Variants in SETD4 observed in about 807,000 individuals in gnomAD.
The protein encoded by SETD4 is SET domain containing 4, also known as SET domain-containing protein 4.
In SETD4, 46 loss-of-function variants were observed where a neutral mutation model predicts 58.3. That is an observed-to-expected ratio of 0.79 (90% CI 0.62 to 1.01). The LOEUF (loss-of-function observed/expected upper bound fraction) is 1.01. SETD4 is among the 50% of genes least tolerant of loss of function. The pLI, the probability that SETD4 is intolerant of heterozygous loss-of-function variation, is 0.00. For missense variants in SETD4, 490 were observed against 523.3 expected, an observed-to-expected ratio of 0.94 and a Z score of 0.62; for synonymous variants, 190 against 202.6, an observed-to-expected ratio of 0.94 and a Z score of 0.53.
At chr21:36,036,560 C>A (rs1028179829) in intron 10 of SETD4, 1 of 797,812 alleles carries the variant, frequency 1.3e-6, no homozygotes, top group Non-Finnish European at 1.5e-6. Flanking sequence ...CAGCATTTGT[C>A]CTTTTGTGTC....
chr21:36,058,505 CAAAAAAAAA>C (rs61270283), intron 2 of SETD4, among the ~76,000 whole-genome samples: 1 of 95,178 alleles, frequency 1.1e-5, no homozygotes, highest in African/African-American at 3.8e-5. Context: ...ACCTTGTCTC[CAAAAAAAAA>C]AAAAAAAGAA....
At chr21:36,048,240 C>T in intron 5 of SETD4, 68 bp downstream of exon 5, 3 of 1,201,588 alleles carry the variant, frequency 2.5e-6, no homozygotes, top group Non-Finnish European at 2.5e-6. Flanking sequence ...TCTCAAGTGA[C>T]ATATTTGCCA....
chr21:36,057,084 A>G, intron 3 of SETD4, 25 bp downstream of exon 3: 2 of 1,593,922 alleles, frequency 1.3e-6, no homozygotes, highest in Non-Finnish European at 8.6e-7. Flanking sequence ...GGGAAAGGGC[A>G]GGACAGCTGA....
rs781329108 is a variant in SETD4, at chr21:36,045,781, A to C, written c.527T>G (p.Phe176Cys). The C allele has an allele frequency of 6.2e-7, 1 of 1,614,124 alleles. No homozygotes were observed. The highest frequency in any genetic ancestry group is 1.3e-5 in the African/African-American group (1 of 75,020). Residue 176 changes from phenylalanine (F) to cysteine (C), a missense_variant, in exon 6 of 12, where the codon TTT becomes TGT. By Grantham distance (205) the Phe-to-Cys change is radical. Transcript: ENST00000332131. ...VQEFFASSRD[F>C]FSSLQPLFAE... ...AAACAGAGGCTGCAGAGAAGAGAAA[A>C]AGTCTCTGGAGGAAGCAAAGAACTC... is the stretch of plus-strand genomic sequence containing the variant.
intron 4 of SETD4, chr21:36,051,050 C>A: frequency 6.8e-7 from 1 of 1,466,760 alleles, no homozygotes; most frequent in South Asian, 1.1e-5. Context: ...TCTGTGAGGC[C>A]AATGCAAATG....
chr21:36,036,267 T>A lies in SETD4; in HGVS notation c.1189-16A>T, dbSNP rs2063775577. 2.5e-6 allele frequency: 4 copies of A among 1,569,794 alleles called. No homozygotes were observed. The highest frequency in any genetic ancestry group is 2.0e-5 in the Admixed American group (1 of 49,034). Reference sequence around the variant, plus strand: ...TATGAGACACCTGAAAGTTATTTTTTAATTATTGTTATTGTAGTAAAACAT... The same window carrying A: ...TATGAGACACCTGAAAGTTATTTTTAAATTATTGTTATTGTAGTAAAACAT... On this transcript the variant is annotated splice_polypyrimidine_tract_variant and intron_variant, in intron 10 of 11. Transcript: ENST00000332131.
intron 6 of SETD4, among the ~76,000 whole-genome samples, chr21:36,044,695 G>A (rs1050882011): frequency 3.9e-5 from 6 of 152,210 alleles, no homozygotes; most frequent in African/African-American, 1.4e-4. Context: ...AAAGCAGAGC[G>A]GGAACCTCCC....
chr21:36,046,549 G>C (rs1048331773), intron 5 of SETD4, among the ~76,000 whole-genome samples: 168 of 152,210 alleles, frequency 1.1e-3, no homozygotes, highest in Non-Finnish European at 1.8e-4. Flanking sequence ...GCCATTCAGA[G>C]CTAGTGGCCA....
chr21:36,049,669 T>C (rs1052507391), intron 4 of SETD4, among the ~76,000 whole-genome samples: 1 of 152,208 alleles, frequency 6.6e-6, no homozygotes, highest in Non-Finnish European at 1.5e-5. Context: ...CATTCCAACA[T>C]CCTATGATCT....
Position 36,040,575 on chromosome 21 carries a change from A to G in SETD4, c.1064T>C (p.Phe355Ser). ...TAAGACCAACACATGTGAAACTTAC[A>G]ATTTCTCAGCTTCCAGACATAACAA... ...LKLLCLEAEKFTCWKKVLLGE... is the reference protein window; with the variant it reads ...LKLLCLEAEKSTCWKKVLLGE... The change falls in exon 9 of 12, where the codon TTT (phenylalanine) becomes TCT (serine). Residue 355 changes from phenylalanine (F) to serine (S), a missense_variant and splice_region_variant. Coordinates refer to ENST00000332131, the MANE Select transcript of SETD4 (RefSeq NM_017438.5). The G allele has an allele frequency of 6.2e-7, 1 of 1,613,274 alleles. No individual in the cohort carries two copies. The highest frequency in any genetic ancestry group is 8.5e-7 in the Non-Finnish European group (1 of 1,179,356).
intron 4 of SETD4, chr21:36,050,508 A>G: frequency 2.5e-6 from 4 of 1,613,852 alleles, no homozygotes; most frequent in Non-Finnish European, 3.4e-6. Flanking sequence ...TCTAGAGAAG[A>G]TGGGATGCCA....
intron 1 of SETD4, chr21:36,059,818 T>C (rs1312986569): frequency 5.1e-6 from 5 of 985,382 alleles, no homozygotes; most frequent in Middle Eastern, 5.2e-4. Flanking sequence ...GTTCATTATT[T>C]GACCTAACGA....
At chr21:36,056,517 C>T (rs1023134932) in intron 3 of SETD4, among the ~76,000 whole-genome samples, 1 of 152,112 alleles carries the variant, frequency 6.6e-6, no homozygotes, top group Non-Finnish European at 1.5e-5. Context: ...TAGCAAGCTG[C>T]CCAACTTCTG....
intron 4 of SETD4, chr21:36,050,677 C>T: frequency 6.2e-7 from 1 of 1,600,826 alleles, no homozygotes; most frequent in Non-Finnish European, 8.6e-7. Context: ...CCGGAGTTCC[C>T]AATGGTAGTA....
At chr21:36,050,461 G>A (rs2064608444) in intron 4 of SETD4, 1 of 1,613,928 alleles carries the variant, frequency 6.2e-7, no homozygotes, top group South Asian at 1.1e-5. Context: ...CCAACCCCTT[G>A]GGTGCAAAGT....
In SETD4 at chr21:36,048,377, G is replaced by A. The variant is rs1192907603; in HGVS notation, c.227C>T (p.Ser76Leu). Residue 76 changes from serine (S) to leucine (L), a missense_variant, in exon 5 of 12, where the codon TCG (serine) becomes TTG (leucine). By Grantham distance (145) the Ser-to-Leu change is moderately radical. Transcript: ENST00000332131. ...TSLQEGQMIISLPESCLLTTD... is the reference protein window; with the variant it reads ...TSLQEGQMIILLPESCLLTTD... ...GGTGAGCAGGCAACTCTCAGGCAAC[G>A]AAATAATCATCTGTCCCTCCTGGCC... 8 of 1,613,944 alleles carry A rather than the reference G, an allele frequency of 5.0e-6. No individual in the cohort carries two copies. The highest frequency in any genetic ancestry group is 3.3e-5 in the Admixed American group (2 of 59,990).
chr21:36,050,992 ATG>A, intron 4 of SETD4: 1 of 1,602,412 alleles, frequency 6.2e-7, no homozygotes, highest in Non-Finnish European at 8.6e-7. Flanking sequence ...CTGGGGATGG[ATG>A]TGTGTGGCGT....
rs765818163 is a variant in SETD4 at position 36,041,807 on chromosome 21, T to C, written c.983A>G (p.Glu328Gly). 7 of 1,475,254 alleles carry C rather than the reference T, an allele frequency of 4.7e-6. No homozygotes were observed. The Admixed American group carries it at 1.3e-4, about 27-fold the overall frequency. The allele number at this position is 1,475,254 out of a possible 1,614,324, so 91.4% of individuals were successfully genotyped here. A position where few individuals can be genotyped will look rare whatever the true frequency, so the allele number is the denominator to read the frequency against. ...ISILKDHGYI[E>G]NLTFGWDGPS... The stretch of plus-strand genomic sequence containing the variant: ...TTAAGAGGGAAAGAGAAACACTTAC[T>C]CTATATAGCCATGATCCTTTAAAAT... Residue 328 changes from glutamate to glycine, a missense_variant and splice_region_variant, in exon 8 of 12, where the codon GAA (glutamate) becomes GGA (glycine). Glu to Gly is a moderately conservative substitution (Grantham distance 98, BLOSUM62 -2). Coordinates refer to ENST00000332131, the MANE Select transcript of SETD4 (RefSeq NM_017438.5).
At chr21:36,043,397 T>C in intron 7 of SETD4, 1 of 900,156 alleles carries the variant, frequency 1.1e-6, no homozygotes, top group South Asian at 4.3e-5. Context: ...ACACAGTGTC[T>C]TACCCACAGT....
Sources: gnomAD v4.1 joint callset for allele counts (sites outside exome capture counted in the v4.1 genomes callset) on GRCh38, gnomAD v4.1.1 for gene constraint, MANE v1.5 for transcripts, NCBI Gene and HGNC (gene_info 2026-07-23, HGNC 2026-07-21) for gene names.